Variants in PAQR5 observed in about 807,000 individuals in gnomAD.
PAQR5 encodes the protein membrane progestin receptor gamma.
In PAQR5, 20 loss-of-function variants were observed where a neutral mutation model predicts 34.5. That is an observed-to-expected ratio of 0.58 (90% CI 0.41 to 0.84). The LOEUF (loss-of-function observed/expected upper bound fraction) is 0.84, where lower values mean the gene tolerates loss of function less well. PAQR5 is among the 40% of genes least tolerant of loss of function. The pLI is 0.00. For synonymous variants in PAQR5, 131 were observed against 155.6 expected, an observed-to-expected ratio of 0.84 and a Z score of 1.18; for missense variants, 378 against 412.7, an observed-to-expected ratio of 0.92 and a Z score of 0.73.
At position 69,300,702 on chromosome 15, in the gene PAQR5, C is replaced by CTCTT. The variant is rs1220750135; in HGVS notation, c.-277+1689_-277+1692dup. Reference sequence around the variant, plus strand: ...TTCCTTCCTCCCTCCCTCTCTCTCTCTCTTTCTTTCTTTCTTTCTTTCTTT... The same window carrying CTCTT: ...TTCCTTCCTCCCTCCCTCTCTCTCTCTCTTTCTTTCTTTCTTTCTTTCTTTCTTT... On this transcript the variant is annotated intron_variant, in intron 1 of 8. Transcript: ENST00000395407. 3.8e-3 allele frequency among the ~76,000 whole-genome samples: 25 copies of CTCTT among 6,520 alleles called. 3 individuals carry two copies. The highest frequency in any genetic ancestry group is 0.012 in the Admixed American group (4 of 346). The allele number at this position is 6,520 out of a possible 152,430, so 4.3% of individuals were successfully genotyped here.
chr15:69,339,168 A>ACCCCCCCCCCCCC lies in PAQR5; in HGVS notation c.-116+1668_-116+1669insCCCCCCCCCCCCC, dbSNP rs111647955. Among the ~76,000 whole-genome samples, 54 of 134,096 alleles carry ACCCCCCCCCCCCC rather than the reference A, an allele frequency of 4.0e-4. 4 individuals carry two copies. Among genetic ancestry groups the ACCCCCCCCCCCCC allele is most frequent in the Non-Finnish European group, 7.3e-4 (44 of 60,248 alleles). 88.0% of individuals were successfully genotyped at this position (134,096 alleles called of 152,430 possible). On this transcript the variant is annotated intron_variant, in intron 2 of 8. Coordinates refer to ENST00000395407, the MANE Select transcript of PAQR5 (RefSeq NM_017705.4). ...AGTCACCACTCCTGGCCCACTGGCTACACCCCCCACCCCGCCACCAAGTTA... is the reference window on the plus strand; with the variant it reads ...AGTCACCACTCCTGGCCCACTGGCTACCCCCCCCCCCCCCACCCCCCACCCCGCCACCAAGTTA...
chr15:69,328,215 T>C (rs2054297847), intron 1 of PAQR5, among the ~76,000 whole-genome samples: 1 of 142,164 alleles, frequency 7.0e-6, no homozygotes, highest in African/African-American at 2.7e-5. Context: ...TGACCTTTGA[T>C]TGAGCTGTTT....
In PAQR5 at chr15:69,320,777, G is replaced by A. The variant is rs189314729; in HGVS notation, c.-276-16564G>A. On this transcript the variant is annotated intron_variant, in intron 1 of 8. Transcript: ENST00000395407. ...CAAAATTCAGTCATGGAAAGTTCAA[G>A]AAGGGATACTATTTGATCCCTTTTA... 9.2e-3 allele frequency among the ~76,000 whole-genome samples: 1,398 copies of A among 152,244 alleles called. 17 individuals are homozygous for A. The highest frequency in any genetic ancestry group is 0.011 in the Non-Finnish European group (748 of 68,002).
At chr15:69,378,476 A>G (rs949863128) in intron 3 of PAQR5, among the ~76,000 whole-genome samples, 4 of 144,454 alleles carry the variant, frequency 2.8e-5, no homozygotes, top group Admixed American at 2.1e-4. Flanking sequence ...GAGAGATAGC[A>G]CAGACTCTGG....
chr15:69,406,999 C>A lies in PAQR5; in HGVS notation c.*3177C>A, dbSNP rs1050352667. ...TCTGGAAGTGTTGTTCCCCCTGCTGCCCCGCCCAGTAGAAACTTGCTCATA... is the reference window on the plus strand; with the variant it reads ...TCTGGAAGTGTTGTTCCCCCTGCTGACCCGCCCAGTAGAAACTTGCTCATA... On this transcript the variant is annotated 3_prime_UTR_variant, in exon 9 of 9. Transcript: ENST00000395407. The A allele has an allele frequency of 7.9e-5, 12 of 152,364 alleles. No homozygotes were observed. Among genetic ancestry groups the A allele is most frequent in the African/African-American group, 2.7e-4 (11 of 41,452 alleles). The allele number at this position is 152,364 out of a possible 1,614,324, so 9.4% of individuals were successfully genotyped here. A position where few individuals can be genotyped will look rare whatever the true frequency, so the allele number is the denominator to read the frequency against.
intron 6 of PAQR5, chr15:69,391,753 T>C (rs1037946656): frequency 2.2e-6 from 1 of 452,050 alleles, no homozygotes; most frequent in East Asian, 7.0e-5. Flanking sequence ...TTCGTGAGTG[T>C]GGAAGAAAGT....
intron 2 of PAQR5, among the ~76,000 whole-genome samples, chr15:69,346,362 G>A (rs28491393): frequency 0.095 from 11,739 of 123,556 alleles, 811 homozygotes; most frequent in African/African-American, 0.2. Flanking sequence ...CTGGAATGCA[G>A]TGATACAATA....
In PAQR5 at chr15:69,300,807, T is replaced by TTCC. The variant is rs71147602; in HGVS notation, c.-277+1752_-277+1753insCCT. Among the ~76,000 whole-genome samples the TTCC allele has an allele frequency of 8.5e-5, 2 of 23,418 alleles. 1 individual carries two copies. Among genetic ancestry groups the TTCC allele is most frequent in the Non-Finnish European group, 2.1e-4 (2 of 9,704 alleles). 15.4% of individuals were successfully genotyped at this position (23,418 alleles called of 152,430 possible). On this transcript the variant is annotated intron_variant, in intron 1 of 8. Coordinates refer to ENST00000395407, the MANE Select transcript of PAQR5 (RefSeq NM_017705.4). Reference sequence around the variant, plus strand: ...CTCTCTTTCTTTCTTTCTTTCCTTCTTTCCTTCCTTCCTTCCTTCCTTCCT... The same window carrying TTCC: ...CTCTCTTTCTTTCTTTCTTTCCTTCTTCCTTCCTTCCTTCCTTCCTTCCTTCCT...
chr15:69,321,221 G>A (rs527395958), intron 1 of PAQR5, among the ~76,000 whole-genome samples: 1 of 152,346 alleles, frequency 6.6e-6, no homozygotes, highest in Admixed American at 6.5e-5. Context: ...CAACATCTGA[G>A]TAGGACTCAA....
Position 69,310,971 on chromosome 15 carries a change from G to A in PAQR5, c.-277+11915G>A, listed in dbSNP as rs528140131. 5.6e-4 allele frequency among the ~76,000 whole-genome samples: 82 copies of A among 146,692 alleles called. 1 individual carries two copies. Among genetic ancestry groups the A allele is most frequent in the South Asian group, 1.3e-3 (6 of 4,550 alleles). On this transcript the variant is annotated intron_variant, in intron 1 of 8. Transcript: ENST00000395407. ...GGAGAATGGTGTGAACCCGGGAGGC[G>A]GAGCTTGCAGTGAGCCGAGATCGCG...
chr15:69,378,479 G>A (rs1044053510), intron 3 of PAQR5, among the ~76,000 whole-genome samples: 15 of 141,682 alleles, frequency 1.1e-4, no homozygotes, highest in African/African-American at 3.4e-4. Flanking sequence ...AGATAGCACA[G>A]ACTCTGGTAT....
chr15:69,301,850 TGGG>T (rs552540181), intron 1 of PAQR5, among the ~76,000 whole-genome samples: 4,036 of 128,224 alleles, frequency 0.031, 102 homozygotes, highest in Non-Finnish European at 0.05. Context: ...TCATAAGAAA[TGGG>T]GGGAGATTTT....
rs534305626 is a variant in PAQR5, at chr15:69,379,335, G to A, written c.52-548G>A. 29 of 751,898 alleles carry A rather than the reference G, an allele frequency of 3.9e-5. No individual in the cohort carries two copies. The East Asian group carries it at 2.0e-3, about 51-fold the overall frequency. The allele number at this position is 751,898 out of a possible 1,614,324, so 46.6% of individuals were successfully genotyped here. A position where few individuals can be genotyped will look rare whatever the true frequency, so the allele number is the denominator to read the frequency against. ...GGGGGTGGGGGTGACTTGAGCAGCC[G>A]TGCTGTGGGCAGCCACCTCCTCTTC... On this transcript the variant is annotated intron_variant, in intron 3 of 8. Transcript: ENST00000395407.
intron 4 of PAQR5, among the ~76,000 whole-genome samples, chr15:69,382,415 G>A (rs2055910397): frequency 6.6e-6 from 1 of 152,022 alleles, no homozygotes; most frequent in African/African-American, 2.4e-5. Flanking sequence ...GGGAGGCTGA[G>A]GCAGGCAGAC....
chr15:69,314,551 C>A (rs1339009602), intron 1 of PAQR5: 1 of 152,418 alleles, frequency 6.6e-6, no homozygotes, highest in South Asian at 2.1e-4. Context: ...CATTCCCCCC[C>A]ATGGATGATA....
chr15:69,319,211 A>ATG (rs1323840975), intron 1 of PAQR5, among the ~76,000 whole-genome samples: 1 of 116,900 alleles, frequency 8.6e-6, no homozygotes, highest in African/African-American at 3.4e-5. Flanking sequence ...ATATATATAT[A>ATG]TGAATGTGGT....
At chr15:69,380,534 A>G (rs999217587) in intron 4 of PAQR5, among the ~76,000 whole-genome samples, 3 of 152,194 alleles carry the variant, frequency 2.0e-5, no homozygotes, top group Non-Finnish European at 2.9e-5. Flanking sequence ...ACTGGGAGGC[A>G]CTTGGTCAGG....
intron 1 of PAQR5, among the ~76,000 whole-genome samples, chr15:69,303,114 G>A (rs2053641834): frequency 6.6e-6 from 1 of 152,200 alleles, no homozygotes; most frequent in Non-Finnish European, 1.5e-5. Context: ...TAGGTGCTCA[G>A]TTAACACGTG....
chr15:69,307,634 T>C, intron 1 of PAQR5, among the ~76,000 whole-genome samples: 1 of 152,220 alleles, frequency 6.6e-6, no homozygotes, highest in East Asian at 1.9e-4. Context: ...GGCTCTGCCC[T>C]GTGGACAGTG....
Sources: allele counts gnomAD v4.1 joint callset (sites outside exome capture counted in the v4.1 genomes callset), GRCh38; gene constraint gnomAD v4.1.1; transcripts MANE v1.5; gene names NCBI Gene and HGNC (gene_info 2026-07-23, HGNC 2026-07-21).